BCAS3: variants seen among roughly 807,000 people sequenced by gnomAD.
BCAS3 encodes BCAS3 microtubule associated cell migration factor.
In BCAS3, 53 loss-of-function variants were observed where a neutral mutation model predicts 116.1. That is an observed-to-expected ratio of 0.46 (90% CI 0.37 to 0.57). The LOEUF is 0.57. Ranked by LOEUF, BCAS3 falls within the 20% of genes least tolerant of loss-of-function variation. BCAS3 has a pLI of 0.00. For synonymous variants in BCAS3, 391 were observed against 408.2 expected, an observed-to-expected ratio of 0.96 and a Z score of 0.51; for missense variants, 917 against 1,165.4, an observed-to-expected ratio of 0.79 and a Z score of 3.10.
intron 22 of BCAS3, among the ~76,000 whole-genome samples, chr17:61,274,117 AC>A (rs1245736762): frequency 7.4e-6 from 1 of 134,854 alleles, no homozygotes; most frequent in African/African-American, 2.8e-5. Flanking sequence ...CACTCCCCCC[AC>A]CCCACAACAG....
intron 22 of BCAS3, among the ~76,000 whole-genome samples, chr17:61,272,458 C>T (rs975502894): frequency 1.6e-4 from 24 of 151,424 alleles, no homozygotes; most frequent in Non-Finnish European, 1.2e-4. Context: ...CATGGCAAAA[C>T]CCTGTCTCTA....
At chr17:60,949,964 G>A (rs545733397) in intron 14 of BCAS3, among the ~76,000 whole-genome samples, 46 of 152,146 alleles carry the variant, frequency 3.0e-4, no homozygotes, top group South Asian at 6.2e-4. Flanking sequence ...GTTGATGTGT[G>A]GTGGGGGAAA....
At chr17:61,018,763 A>G (rs1215461667) in intron 16 of BCAS3, among the ~76,000 whole-genome samples, 1 of 152,152 alleles carries the variant, frequency 6.6e-6, no homozygotes, top group Non-Finnish European at 1.5e-5. Flanking sequence ...ACATACTTCA[A>G]TGTGTAATTT....
chr17:61,336,968 C>T (rs1037855351), intron 22 of BCAS3, among the ~76,000 whole-genome samples: 1 of 152,078 alleles, frequency 6.6e-6, no homozygotes, highest in Non-Finnish European at 1.5e-5. Context: ...CAAAAATTAG[C>T]CAGGCTTGGT....
chr17:61,015,474 G>A (rs2145531984), intron 15 of BCAS3, among the ~76,000 whole-genome samples: 1 of 152,180 alleles, frequency 6.6e-6, no homozygotes, highest in East Asian at 1.9e-4. Context: ...ATTTTTTGTA[G>A]AGATGGGGTC....
At chr17:60,770,577 C>G (rs2044579363) in intron 6 of BCAS3, among the ~76,000 whole-genome samples, 1 of 151,294 alleles carries the variant, frequency 6.6e-6, no homozygotes, top group Non-Finnish European at 1.5e-5. Context: ...TGCCACCACT[C>G]CTAGCTAATT....
intron 22 of BCAS3, among the ~76,000 whole-genome samples, chr17:61,317,001 A>T (rs1428061437): frequency 6.6e-6 from 1 of 152,158 alleles, no homozygotes; most frequent in Non-Finnish European, 1.5e-5. Context: ...GTACTATTAG[A>T]GTTCGGGAGG....
At chr17:60,874,805 A>G in intron 9 of BCAS3, 67 bp downstream of exon 9, 1 of 962,016 alleles carries the variant, frequency 1.0e-6, no homozygotes, top group East Asian at 2.5e-5. Context: ...CACAATCAGC[A>G]AACTAACTGT....
chr17:61,044,465 A>AAAAAAAAAAAAAAATATAT, intron 19 of BCAS3, among the ~76,000 whole-genome samples: 44 of 120,098 alleles, frequency 3.7e-4, no homozygotes, highest in African/African-American at 1.9e-3. Flanking sequence ...AAAAAAAAAA[A>AAAAAAAAAAAAAAATATAT]ATATATATAT....
Position 61,200,143 on chromosome 17 carries a change from T to A in BCAS3, c.2425+115579T>A, listed in dbSNP as rs1473061490. Among the ~76,000 whole-genome samples the A allele has an allele frequency of 3.3e-5, 5 of 152,216 alleles. No homozygotes were observed. Among genetic ancestry groups the A allele is most frequent in the Non-Finnish European group, 7.3e-5 (5 of 68,038 alleles). On this transcript the variant is annotated intron_variant, in intron 22 of 23. Coordinates refer to ENST00000407086, the MANE Select transcript of BCAS3 (RefSeq NM_017679.5). This position sits in a 1 kb window ranked among gnomAD's most constrained non-coding sequence, Gnocchi z 5.1. ...TGAAGTTGCCCCCCTTCATTTCTTA[T>A]CCTCTTTATAAAAAACAAAACAAAA...
chr17:60,701,040 T>C (rs544401243), intron 4 of BCAS3, among the ~76,000 whole-genome samples: 1 of 151,914 alleles, frequency 6.6e-6, no homozygotes, highest in South Asian at 2.1e-4. Context: ...GGTCAGGAGT[T>C]TGAGACCAGC....
intron 5 of BCAS3, among the ~76,000 whole-genome samples, chr17:60,719,476 G>T (rs573098698): frequency 1.3e-5 from 2 of 152,318 alleles, no homozygotes; most frequent in African/African-American, 2.4e-5. Context: ...AGTTTTTGAT[G>T]AGTATGTTTA....
At chr17:60,697,391 T>G in intron 4 of BCAS3, among the ~76,000 whole-genome samples, 1 of 151,564 alleles carries the variant, frequency 6.6e-6, no homozygotes, top group East Asian at 1.9e-4. Flanking sequence ...TGAAACCCCG[T>G]CTCTACTAAA....
rs146229624 is a variant in BCAS3 at position 61,138,142 on chromosome 17, T to C, written c.2425+53578T>C. Reference sequence around the variant, plus strand: ...TGTGGCGTATCTGTGCTGTCCAATATAATAGTCACATGTGGCTGCTGAGTG... The same window carrying C: ...TGTGGCGTATCTGTGCTGTCCAATACAATAGTCACATGTGGCTGCTGAGTG... On this transcript the variant is annotated intron_variant, in intron 22 of 23. Coordinates refer to ENST00000407086, the MANE Select transcript of BCAS3 (RefSeq NM_017679.5). Among the ~76,000 whole-genome samples the C allele has an allele frequency of 6.0e-4, 92 of 152,348 alleles. 1 individual carries two copies. Among genetic ancestry groups the C allele is most frequent in the African/African-American group, 1.9e-3 (79 of 41,578 alleles).
At chr17:61,322,832 G>C (rs868031961) in intron 22 of BCAS3, among the ~76,000 whole-genome samples, 42 of 119,860 alleles carry the variant, frequency 3.5e-4, no homozygotes, top group African/African-American at 1.3e-3. Flanking sequence ...GAGAGAGACA[G>C]AGAGAGAGAG....
chr17:60,737,525 C>T (rs891120228), intron 5 of BCAS3, among the ~76,000 whole-genome samples: 1 of 151,994 alleles, frequency 6.6e-6, no homozygotes, highest in Non-Finnish European at 1.5e-5. Flanking sequence ...ATAATATATT[C>T]AGTCAGTGCT....
chr17:60,979,531 T>C (rs1248389534), intron 14 of BCAS3, among the ~76,000 whole-genome samples: 1 of 148,890 alleles, frequency 6.7e-6, no homozygotes, highest in Non-Finnish European at 1.5e-5. Context: ...TCCAACACTA[T>C]GTTGAATAGG....
intron 6 of BCAS3, among the ~76,000 whole-genome samples, chr17:60,749,865 A>G (rs2042302515): frequency 6.6e-6 from 1 of 152,236 alleles, no homozygotes; most frequent in South Asian, 2.1e-4. Flanking sequence ...ATGTTGGCTA[A>G]CATTTGAAAA....
At chr17:61,183,022 A>G (rs529470529) in intron 22 of BCAS3, among the ~76,000 whole-genome samples, 20 of 152,328 alleles carry the variant, frequency 1.3e-4, no homozygotes, top group African/African-American at 4.3e-4. Context: ...CTGTGTGTCC[A>G]TGCTGATTCT....
Sources: gnomAD v4.1 joint callset for allele counts (sites outside exome capture counted in the v4.1 genomes callset) on GRCh38, gnomAD v4.1.1 for gene constraint, Gnocchi (gnomAD v3.1) non-coding constraint, MANE v1.5 for transcripts, NCBI Gene and HGNC (gene_info 2026-07-23, HGNC 2026-07-21) for gene names.